The following SLC39A14 variants were observed in gnomAD, a reference collection of about 807,000 sequenced individuals.
SLC39A14 encodes the protein solute carrier family 39 member 14.
Under a neutral mutation model 45.5 loss-of-function variants are expected in SLC39A14, and 19 were observed. That is an observed-to-expected ratio of 0.42 (90% CI 0.29 to 0.61). The LOEUF is 0.61. Among genes scored for constraint, SLC39A14 ranks in the 20% least tolerant of loss-of-function variants. SLC39A14 has a pLI of 0.22. For missense variants in SLC39A14, 447 were observed against 616.5 expected, an observed-to-expected ratio of 0.73 and a Z score of 2.91; for synonymous variants, 264 against 251.3, an observed-to-expected ratio of 1.05 and a Z score of -0.48.
intron 5 of SLC39A14, chr8:22,415,389 G>A: frequency 4.8e-6 from 1 of 209,976 alleles, no homozygotes. Flanking sequence ...CTGCCTTGGT[G>A]GAATAAGCAT....
rs552491199 is a variant in SLC39A14, at chr8:22,410,173, A to G, written c.457+1677A>G. The stretch of plus-strand genomic sequence containing the variant: ...TCCCTGGGGCGGCACAGCTGAGCCA[A>G]TCCCCTCCTCCCCTACCCTGGGCTC... On this transcript the variant is annotated intron_variant, in intron 3 of 8. Coordinates refer to ENST00000381237, the MANE Select transcript of SLC39A14 (RefSeq NM_001128431.4). 5 of 1,578,024 alleles carry G rather than the reference A, an allele frequency of 3.2e-6. No individual in the cohort carries two copies. In the South Asian group the frequency reaches 5.5e-5, roughly 18 times the overall value.
At chr8:22,375,761 T>G (rs1434135322) in intron 1 of SLC39A14, among the ~76,000 whole-genome samples, 1 of 152,254 alleles carries the variant, frequency 6.6e-6, no homozygotes, top group Admixed American at 6.5e-5. Context: ...GTGCTGGGAT[T>G]ACAGGCATGA....
At chr8:22,388,352 G>A (rs534180121) in intron 1 of SLC39A14, among the ~76,000 whole-genome samples, 95 of 152,294 alleles carry the variant, frequency 6.2e-4, no homozygotes, top group Non-Finnish European at 1.2e-3. Context: ...TCCTAGTCCT[G>A]TGGCGGGGAG....
In SLC39A14 at chr8:22,404,604, T is replaced by C. The variant is rs559081794; in HGVS notation, c.-15-92T>C. 3.0e-5 allele frequency: 36 copies of C among 1,215,920 alleles called. No individual in the cohort carries two copies. The African/African-American group carries it at 4.9e-4, about 17-fold the overall frequency. The allele number at this position is 1,215,920 out of a possible 1,614,324, so 75.3% of individuals were successfully genotyped here. Reference sequence around the variant, plus strand: ...CAGAGAAGCAGAGACTGAGGGATAGTCTCAACATGTTCAGTGTGTGGCGGG... The same window carrying C: ...CAGAGAAGCAGAGACTGAGGGATAGCCTCAACATGTTCAGTGTGTGGCGGG... On this transcript the variant is annotated intron_variant, in intron 1 of 8. Coordinates refer to ENST00000381237, the MANE Select transcript of SLC39A14 (RefSeq NM_001128431.4).
At position 22,420,671 on chromosome 8, in the gene SLC39A14, G is replaced by C. The variant is rs1198137347; in HGVS notation, c.*973G>C. The stretch of plus-strand genomic sequence containing the variant: ...GAGTGGCAAGCTGACTTGTAGAAAT[G>C]GGGTGCCATTTATGCTCTACTTAGA... On this transcript the variant is annotated 3_prime_UTR_variant, in exon 9 of 9. Coordinates refer to ENST00000381237, the MANE Select transcript of SLC39A14 (RefSeq NM_001128431.4). 1 of 985,244 alleles carries C rather than the reference G, an allele frequency of 1.0e-6. No homozygotes were observed. The highest frequency in any genetic ancestry group is 6.2e-5 in the Admixed American group (1 of 16,260). 61.0% of individuals were successfully genotyped at this position (985,244 alleles called of 1,614,324 possible).
chr8:22,413,865 C>A (rs2132350101), intron 4 of SLC39A14, among the ~76,000 whole-genome samples: 1 of 152,252 alleles, frequency 6.6e-6, no homozygotes, highest in African/African-American at 2.4e-5. Flanking sequence ...ATCTCTGCCT[C>A]CTGGGTTCAA....
intron 1 of SLC39A14, among the ~76,000 whole-genome samples, chr8:22,373,069 C>T (rs1461052331): frequency 6.6e-6 from 1 of 152,038 alleles, no homozygotes; most frequent in Non-Finnish European, 1.5e-5. Flanking sequence ...CCCGACCATC[C>T]TGGCCAACAT....
At chr8:22,399,572 C>T (rs1428609689) in intron 1 of SLC39A14, among the ~76,000 whole-genome samples, 3 of 152,224 alleles carry the variant, frequency 2.0e-5, no homozygotes, top group African/African-American at 4.8e-5. Flanking sequence ...GTCTTGTGGG[C>T]GTCAGTGCCC....
At chr8:22,414,976 G>C in intron 5 of SLC39A14, 74 bp downstream of exon 5, 1 of 1,525,910 alleles carries the variant, frequency 6.6e-7, no homozygotes, top group Non-Finnish European at 8.9e-7. Context: ...ATGTATTGTG[G>C]TGGTGGTGGT....
chr8:22,372,767 A>C (rs1485722207), intron 1 of SLC39A14, among the ~76,000 whole-genome samples: 68 of 152,108 alleles, frequency 4.5e-4, no homozygotes, highest in Non-Finnish European at 4.4e-5. Context: ...ATATGTGGCT[A>C]TCTGTATTGA....
At chr8:22,412,992 G>C (rs1054883951) in intron 4 of SLC39A14, among the ~76,000 whole-genome samples, 14 of 152,146 alleles carry the variant, frequency 9.2e-5, no homozygotes, top group African/African-American at 3.4e-4. Context: ...TCAGTAAAAA[G>C]ATTGTCCATA....
chr8:22,374,740 C>CT (rs67116858), intron 1 of SLC39A14, among the ~76,000 whole-genome samples: 1,287 of 103,952 alleles, frequency 0.012, 25 homozygotes, highest in African/African-American at 0.021. Context: ...CCAGCCTGCT[C>CT]TTTTTTTTTT....
chr8:22,389,383 T>G (rs1321220952), intron 1 of SLC39A14, among the ~76,000 whole-genome samples: 1 of 148,840 alleles, frequency 6.7e-6, no homozygotes, highest in Non-Finnish European at 1.5e-5. Flanking sequence ...GCGGGGTCTT[T>G]GAGGAGGAGT....
intron 1 of SLC39A14, chr8:22,379,326 G>C (rs1833375994): frequency 6.6e-6 from 1 of 152,208 alleles, no homozygotes; most frequent in Non-Finnish European, 1.5e-5. Context: ...TATTTGCGGG[G>C]ATAGTATTCA....
Position 22,374,215 on chromosome 8 carries a change from G to A in SLC39A14, c.-16+6807G>A, listed in dbSNP as rs890040215. ...GTTGGGGGGAGGTTGGCCACCTGGC[G>A]AGGGGCCTGTTGGCTGCAGGGAGGG... On this transcript the variant is annotated intron_variant, in intron 1 of 8. Coordinates refer to ENST00000381237, the MANE Select transcript of SLC39A14 (RefSeq NM_001128431.4). Among the ~76,000 whole-genome samples the A allele has an allele frequency of 1.3e-4, 20 of 152,360 alleles. 1 individual carries two copies. Among genetic ancestry groups the A allele is most frequent in the East Asian group, 3.9e-4 (2 of 5,188 alleles).
chr8:22,385,495 G>C (rs1263133667), intron 1 of SLC39A14, among the ~76,000 whole-genome samples: 1 of 152,186 alleles, frequency 6.6e-6, no homozygotes, highest in Non-Finnish European at 1.5e-5. Context: ...AGACCTGTTA[G>C]GAAGATCTAG....
At chr8:22,390,240 T>G (rs1470949443) in intron 1 of SLC39A14, 1 of 153,222 alleles carries the variant, frequency 6.5e-6, no homozygotes. Context: ...CAGTATCACC[T>G]TATAGATTCC....
chr8:22,375,952 A>G (rs1177686509), intron 1 of SLC39A14, among the ~76,000 whole-genome samples: 3 of 152,238 alleles, frequency 2.0e-5, no homozygotes, highest in Admixed American at 2.0e-4. Context: ...ACATTGGCAT[A>G]ACACTGTTAA....
chr8:22,411,881 A>T (rs1296765070), intron 3 of SLC39A14, 156 bp from the exon 4 acceptor site: 1 of 620,856 alleles, frequency 1.6e-6, no homozygotes, highest in African/African-American at 1.8e-5. Flanking sequence ...TCTCTCTCTG[A>T]TTTTTCTTTT....
Sources: allele counts gnomAD v4.1 joint callset (sites outside exome capture counted in the v4.1 genomes callset), GRCh38; gene constraint gnomAD v4.1.1; transcripts MANE v1.5; gene names NCBI Gene and HGNC (gene_info 2026-07-23, HGNC 2026-07-21).